The following TENM3 variants were observed in gnomAD, a reference collection of about 807,000 sequenced individuals.
TENM3 encodes the protein teneurin transmembrane protein 3.
TENM3 carries 63 observed loss-of-function variants against 255.1 expected under a neutral mutation model. The observed-to-expected ratio is 0.25, with a 90% CI of 0.20 to 0.30. The LOEUF (loss-of-function observed/expected upper bound fraction) is 0.30. Among genes scored for constraint, TENM3 ranks in the 10% least tolerant of loss-of-function variants. The pLI, the probability that TENM3 is intolerant of heterozygous loss-of-function variation, is 1.00. For missense variants in TENM3, 2,929 were observed against 3,461.1 expected, an observed-to-expected ratio of 0.85 and a Z score of 3.86; for synonymous variants, 1,306 against 1,322.3, an observed-to-expected ratio of 0.99 and a Z score of 0.27.
chr4:182,353,892 G>A (rs2150723270), intron 3 of TENM3, among the ~76,000 whole-genome samples: 1 of 152,038 alleles, frequency 6.6e-6, no homozygotes, highest in East Asian at 1.9e-4. Flanking sequence ...TTGAACCCAG[G>A]AGGTGGAGGT....
chr4:182,624,279 C>G (rs968400164), intron 4 of TENM3, among the ~76,000 whole-genome samples: 3 of 152,222 alleles, frequency 2.0e-5, no homozygotes, highest in Non-Finnish European at 4.4e-5. Flanking sequence ...AAGCCTCTCT[C>G]CATTTCCACT....
the TENM3 span, among the ~76,000 whole-genome samples, chr4:181,816,612 T>TA: frequency 1.3e-5 from 2 of 152,194 alleles, no homozygotes; most frequent in African/African-American, 4.8e-5. Flanking sequence ...ATTACATGTC[T>TA]AAAAATGAAG....
the TENM3 span, among the ~76,000 whole-genome samples, chr4:181,923,281 A>G: frequency 3.3e-5 from 5 of 152,104 alleles, no homozygotes; most frequent in Non-Finnish European, 7.4e-5. Flanking sequence ...ACCAAATAAA[A>G]GAGATGAGTG....
intron 3 of TENM3, among the ~76,000 whole-genome samples, chr4:182,377,987 T>C (rs550980130): frequency 6.6e-6 from 1 of 152,140 alleles, no homozygotes; most frequent in Admixed American, 6.5e-5. Context: ...CAAGCAGACA[T>C]TGATGGATGT....
At chr4:181,982,646 A>G in the TENM3 span, among the ~76,000 whole-genome samples, 1 of 152,120 alleles carries the variant, frequency 6.6e-6, no homozygotes, top group African/African-American at 2.4e-5. Flanking sequence ...AGTGCCTAAC[A>G]TTTACCCAGG....
chr4:182,454,158 T>C (rs2151338790), intron 3 of TENM3, among the ~76,000 whole-genome samples: 1 of 152,282 alleles, frequency 6.6e-6, no homozygotes, highest in East Asian at 1.9e-4. Context: ...AAAGTGACCT[T>C]GATGGAGGTG....
chr4:181,690,940 A>G, the TENM3 span, among the ~76,000 whole-genome samples: 1 of 151,588 alleles, frequency 6.6e-6, no homozygotes, highest in Non-Finnish European at 1.5e-5. Context: ...TACCTTTTTA[A>G]GCCTTTTTAA....
chr4:182,244,047 G>A (rs1286799385), intron 1 of TENM3, among the ~76,000 whole-genome samples: 1 of 138,276 alleles, frequency 7.2e-6, no homozygotes, highest in Admixed American at 7.9e-5. Context: ...TCCGCCTCCC[G>A]GGTTCACGCC....
At chr4:182,308,481 G>A (rs1762261275) in intron 1 of TENM3, among the ~76,000 whole-genome samples, 1 of 151,830 alleles carries the variant, frequency 6.6e-6, no homozygotes. Flanking sequence ...CACCGTGACT[G>A]GCTAATTAAA....
the TENM3 span, among the ~76,000 whole-genome samples, chr4:181,546,193 T>C: frequency 6.6e-6 from 1 of 152,146 alleles, no homozygotes; most frequent in Non-Finnish European, 1.5e-5. Context: ...GATAGCCCCT[T>C]TCAGGCCAGC....
the TENM3 span, among the ~76,000 whole-genome samples, chr4:181,889,765 A>G: frequency 6.6e-6 from 1 of 152,128 alleles, no homozygotes; most frequent in Non-Finnish European, 1.5e-5. Context: ...GGAAATCCTA[A>G]CATCCTCTAC....
intron 3 of TENM3, among the ~76,000 whole-genome samples, chr4:182,533,326 A>C (rs2151849307): frequency 6.6e-6 from 1 of 152,002 alleles, no homozygotes; most frequent in African/African-American, 2.4e-5. Context: ...CTGAGGTGGG[A>C]GGATTGCTTT....
At chr4:182,120,345 T>C in the TENM3 span, among the ~76,000 whole-genome samples, 9 of 152,288 alleles carry the variant, frequency 5.9e-5, no homozygotes, top group Non-Finnish European at 1.2e-4. Flanking sequence ...GTTTGTGTAA[T>C]TGCTCTCTGT....
At chr4:182,780,806 CT>C (rs1271352986) in intron 24 of TENM3, among the ~76,000 whole-genome samples, 1 of 151,688 alleles carries the variant, frequency 6.6e-6, no homozygotes, top group Non-Finnish European at 1.5e-5. Context: ...GTATTTTATT[CT>C]GTTTGAAGCA....
the TENM3 span, among the ~76,000 whole-genome samples, chr4:182,089,833 T>C: frequency 1.3e-5 from 2 of 152,210 alleles, no homozygotes; most frequent in Non-Finnish European, 2.9e-5. Flanking sequence ...CCATTACTAA[T>C]TATTAGGAGA....
At chr4:182,573,013 CTT>C (rs1289576747) in intron 3 of TENM3, among the ~76,000 whole-genome samples, 2 of 152,134 alleles carry the variant, frequency 1.3e-5, no homozygotes, top group Non-Finnish European at 2.9e-5. Flanking sequence ...TTTTAAAACT[CTT>C]GTTTATTGAT....
chr4:182,160,501 G>A (rs1561150722), intron 1 of TENM3, among the ~76,000 whole-genome samples: 1 of 152,138 alleles, frequency 6.6e-6, no homozygotes, highest in Non-Finnish European at 1.5e-5. Flanking sequence ...AGACAAACTT[G>A]AATATGGTAA....
At chr4:181,767,062 C>A in the TENM3 span, among the ~76,000 whole-genome samples, 24 of 132,726 alleles carry the variant, frequency 1.8e-4, 1 homozygote, top group East Asian at 3.0e-3. Context: ...ACCATTCTGG[C>A]TAACAAGGGG....
chr4:182,694,168 G>GATACGGTC (rs1315677764), intron 12 of TENM3, among the ~76,000 whole-genome samples: 1 of 151,912 alleles, frequency 6.6e-6, no homozygotes, highest in Non-Finnish European at 1.5e-5. Flanking sequence ...GGACTGCGGT[G>GATACGGTC]ATACGGTCAC....
Sources: gnomAD v4.1 joint callset for allele counts (sites outside exome capture counted in the v4.1 genomes callset) on GRCh38, gnomAD v4.1.1 for gene constraint, MANE v1.5 for transcripts, NCBI Gene and HGNC (gene_info 2026-07-23, HGNC 2026-07-21) for gene names.